SORCS2: variants seen among roughly 807,000 people sequenced by gnomAD.
SORCS2 encodes sortilin related VPS10 domain containing receptor 2, also known as VPS10 domain-containing receptor SorCS2.
A neutral mutation model predicts 141.6 loss-of-function variants in SORCS2; 100 were observed. The ratio of observed to expected loss-of-function variants is 0.71; its 90% CI spans 0.60 to 0.83. The LOEUF (loss-of-function observed/expected upper bound fraction) is 0.83, where lower values mean the gene tolerates loss of function less well. Among genes scored for constraint, SORCS2 ranks in the 40% least tolerant of loss-of-function variants. The pLI is 0.00. For missense variants in SORCS2, 1,646 were observed against 1,560.2 expected (o/e 1.05, Z -0.93); for synonymous variants, 789 against 676.9 (o/e 1.17, Z -2.57).
intron 1 of SORCS2, among the ~76,000 whole-genome samples, chr4:7,256,215 T>A: frequency 6.6e-6 from 1 of 152,070 alleles, no homozygotes; most frequent in East Asian, 1.9e-4. Context: ...AGAGCGTGCC[T>A]GGTGAGCACA....
intron 2 of SORCS2, chr4:7,432,293 C>G (rs1211741786): frequency 6.6e-6 from 1 of 152,054 alleles, no homozygotes; most frequent in Non-Finnish European, 1.5e-5. Context: ...AGCGCTTGCA[C>G]CGCCAGACTC....
At chr4:7,255,716 A>G (rs894591889) in intron 1 of SORCS2, among the ~76,000 whole-genome samples, 6 of 152,106 alleles carry the variant, frequency 3.9e-5, no homozygotes, top group African/African-American at 1.4e-4. Context: ...CCAATCTTTC[A>G]TCTAACTAGG....
chr4:7,562,969 G>A (rs1714708628), intron 3 of SORCS2, among the ~76,000 whole-genome samples: 1 of 152,182 alleles, frequency 6.6e-6, no homozygotes, highest in South Asian at 2.1e-4. Flanking sequence ...CCCAAATAAG[G>A]TCACATTCTG....
At chr4:7,675,494 T>C (rs1489739265) in intron 8 of SORCS2, among the ~76,000 whole-genome samples, 4 of 152,214 alleles carry the variant, frequency 2.6e-5, no homozygotes, top group African/African-American at 9.6e-5. Context: ...GGTGCCTCCC[T>C]GCAGGTCGCA....
intron 26 of SORCS2, among the ~76,000 whole-genome samples, chr4:7,737,929 C>T (rs530155329): frequency 3.0e-4 from 46 of 152,300 alleles, no homozygotes; most frequent in African/African-American, 8.4e-4. Context: ...GACCATCGAC[C>T]GGGACACCTG....
intron 4 of SORCS2, among the ~76,000 whole-genome samples, chr4:7,653,398 C>T (rs1721559299): frequency 6.6e-6 from 1 of 152,226 alleles, no homozygotes; most frequent in Non-Finnish European, 1.5e-5. Flanking sequence ...CATGCGCCAC[C>T]ATGCCCAGCT....
chr4:7,582,637 T>TA (rs367724973), intron 3 of SORCS2, among the ~76,000 whole-genome samples: 36 of 151,402 alleles, frequency 2.4e-4, no homozygotes, highest in East Asian at 7.8e-4. Context: ...CAAGGGTTTG[T>TA]AAAAAAATAA....
At chr4:7,652,899 A>G (rs1721531734) in intron 4 of SORCS2, among the ~76,000 whole-genome samples, 1 of 152,296 alleles carries the variant, frequency 6.6e-6, no homozygotes, top group South Asian at 2.1e-4. Context: ...ATCAGGTCAA[A>G]TGCTTTTCCT....
At chr4:7,314,643 A>G (rs1022578713) in intron 1 of SORCS2, among the ~76,000 whole-genome samples, 2 of 151,684 alleles carry the variant, frequency 1.3e-5, no homozygotes. Flanking sequence ...CCGGCCAATC[A>G]TGGACTTTCT....
chr4:7,656,238 G>T (rs911982885), intron 5 of SORCS2, among the ~76,000 whole-genome samples: 4 of 152,224 alleles, frequency 2.6e-5, no homozygotes, highest in African/African-American at 9.6e-5. Context: ...GCCTGCAAGC[G>T]AGAGGGAGCA....
At chr4:7,410,101 C>A (rs115164591) in intron 2 of SORCS2, among the ~76,000 whole-genome samples, 12 of 152,334 alleles carry the variant, frequency 7.9e-5, no homozygotes, top group African/African-American at 2.9e-4. Context: ...TGTGACCATG[C>A]TGAAATTGAC....
chr4:7,429,390 G>A (rs943400307), intron 2 of SORCS2, among the ~76,000 whole-genome samples: 2 of 152,218 alleles, frequency 1.3e-5, no homozygotes, highest in South Asian at 2.1e-4. Flanking sequence ...CGCCTCTTCC[G>A]CCCTAAGGGC....
intron 18 of SORCS2, 65 bp downstream of exon 18, chr4:7,718,248 C>A (rs1233355889): frequency 1.4e-5 from 21 of 1,552,758 alleles, no homozygotes. Context: ...ACTGGGCACG[C>A]AGAAGGCACG....
Position 7,233,344 on chromosome 4 carries a change from G to A in SORCS2, c.480+40218G>A, listed in dbSNP as rs758922825. The stretch of plus-strand genomic sequence containing the variant: ...ACATCCAGGGTGTCATCATGATGAC[G>A]TCTCCTGGCCACCGCTGAGCACCTG... On this transcript the variant is annotated intron_variant, in intron 1 of 26. Coordinates refer to ENST00000507866, the MANE Select transcript of SORCS2 (RefSeq NM_020777.3). The surrounding 1 kb of genome is among the most constrained non-coding windows in gnomAD (Gnocchi z 4.5). Among the ~76,000 whole-genome samples, 1 of 152,172 alleles carries A rather than the reference G, an allele frequency of 6.6e-6. No homozygotes were observed. Among genetic ancestry groups the A allele is most frequent in the Non-Finnish European group, 1.5e-5 (1 of 68,016 alleles).
rs757709241 is a variant in SORCS2, at chr4:7,221,112, TACTC to T, written c.480+27989_480+27992del. Among the ~76,000 whole-genome samples, 71 of 152,342 alleles carry T rather than the reference TACTC, an allele frequency of 4.7e-4. 1 individual carries two copies. The highest frequency in any genetic ancestry group is 8.8e-4 in the Non-Finnish European group (60 of 68,032). On this transcript the variant is annotated intron_variant, in intron 1 of 26. Transcript: ENST00000507866. ...ACAATCATGTTGACTTTGCCCTTCA[TACTC>T]ACAGAGCCGACCATGCCCCTGTGGG...
chr4:7,504,549 C>T (rs1167341693), intron 2 of SORCS2, among the ~76,000 whole-genome samples: 2 of 152,190 alleles, frequency 1.3e-5, no homozygotes, highest in East Asian at 1.9e-4. Context: ...TCACTCAGTT[C>T]GCCCATGGCT....
At chr4:7,683,279 A>AGTG (rs1723652554) in intron 10 of SORCS2, among the ~76,000 whole-genome samples, 3 of 142,050 alleles carry the variant, frequency 2.1e-5, no homozygotes, top group African/African-American at 5.9e-5. Context: ...GGCTCAGCTG[A>AGTG]GCGGCTCTGC....
intron 2 of SORCS2, among the ~76,000 whole-genome samples, chr4:7,486,507 C>T (rs376524595): frequency 3.9e-5 from 6 of 152,164 alleles, no homozygotes; most frequent in Non-Finnish European, 5.9e-5. Context: ...CTGCGGGACC[C>T]GAGGCTGAGC....
chr4:7,323,787 A>G (rs1719057887), intron 1 of SORCS2, among the ~76,000 whole-genome samples: 1 of 151,914 alleles, frequency 6.6e-6, no homozygotes, highest in African/African-American at 2.4e-5. Context: ...TCCACCCCCG[A>G]GAAATGGGAA....
Sources: gnomAD v4.1 joint callset for allele counts (sites outside exome capture counted in the v4.1 genomes callset) on GRCh38, gnomAD v4.1.1 for gene constraint, Gnocchi (gnomAD v3.1) non-coding constraint, MANE v1.5 for transcripts, NCBI Gene and HGNC (gene_info 2026-07-23, HGNC 2026-07-21) for gene names.